Variants in WDFY4 observed in about 807,000 individuals in gnomAD.
The protein encoded by WDFY4 is WD repeat- and FYVE domain-containing protein 4.
WDFY4 carries 169 observed loss-of-function variants against 351.9 expected under a neutral mutation model. The ratio of observed to expected loss-of-function variants is 0.48; its 90% CI spans 0.42 to 0.55. The LOEUF is 0.55. WDFY4 is among the 20% of genes least tolerant of loss of function. The probability of loss-of-function intolerance (pLI) is 0.00; values close to 1 mark genes in which losing one functional copy is unlikely to be tolerated. For synonymous variants in WDFY4, 1,622 were observed against 1,574.6 expected (o/e 1.03, Z -0.71); for missense variants, 3,803 against 3,935.6 (o/e 0.97, Z 0.90).
At chr10:48,761,153 G>T (rs544717753) in intron 13 of WDFY4, among the ~76,000 whole-genome samples, 1 of 152,222 alleles carries the variant, frequency 6.6e-6, no homozygotes, top group African/African-American at 2.4e-5. Flanking sequence ...AGTGTGAACT[G>T]GGTGGGAAGG....
At chr10:48,774,797 T>G in intron 14 of WDFY4, 125 bp downstream of exon 14, 1 of 1,255,706 alleles carries the variant, frequency 8.0e-7, no homozygotes, top group Non-Finnish European at 1.1e-6. Flanking sequence ...TGTCCTGGCA[T>G]TCAAGGCTGG....
intron 32 of WDFY4, among the ~76,000 whole-genome samples, chr10:48,819,424 A>T (rs960612150): frequency 6.6e-6 from 1 of 152,232 alleles, no homozygotes; most frequent in African/African-American, 2.4e-5. Context: ...CCTAGGTGCC[A>T]TTAAATTCAT....
chr10:48,689,786 A>C (rs1156270999), intron 1 of WDFY4, among the ~76,000 whole-genome samples: 1 of 152,230 alleles, frequency 6.6e-6, no homozygotes, highest in Non-Finnish European at 1.5e-5. Flanking sequence ...GAAAATATAC[A>C]AGCTAATAAT....
In WDFY4 at chr10:48,955,451, C is replaced by G. The variant is rs538737028; in HGVS notation, c.7978-1678C>G. Among the ~76,000 whole-genome samples, 15 of 152,340 alleles carry G rather than the reference C, an allele frequency of 9.8e-5. No individual in the cohort carries two copies. In the South Asian group the frequency reaches 2.1e-3, roughly 21 times the overall value. On this transcript the variant is annotated intron_variant, in intron 51 of 61. Transcript: ENST00000325239. Reference sequence around the variant, plus strand: ...CCTTGGGTGTGTGGTAGGTTCCCCCCTCTCAGAAAGAGCTGAGTTCCCCCT... The same window carrying G: ...CCTTGGGTGTGTGGTAGGTTCCCCCGTCTCAGAAAGAGCTGAGTTCCCCCT...
Position 48,721,285 on chromosome 10 carries a change from A to T in WDFY4, c.374A>T (p.Gln125Leu), listed in dbSNP as rs917358370. The change falls in exon 4 of 62, where the codon CAG becomes CTG. Residue 125 changes from glutamine to leucine, a missense_variant. Gln to Leu is a moderately radical substitution (Grantham distance 113). This residue lies in a region of WDFY4 where 488 missense variants were observed against 456.8 expected (regional missense o/e 1.07). Coordinates refer to ENST00000325239, the MANE Select transcript of WDFY4 (RefSeq NM_001394531.1). Reference protein sequence around the residue: ...PAEQARLAAGQLLWWKGDVDQ... With the variant: ...PAEQARLAAGLLLWWKGDVDQ... ...GAGCAAGCTCGGTTGGCAGCTGGAC[A>T]GTTGCTGTGGTGGAAGGGGGACGTG... 3 of 1,551,610 alleles carry T rather than the reference A, an allele frequency of 1.9e-6. No homozygotes were observed. Among genetic ancestry groups the T allele is most frequent in the Non-Finnish European group, 2.6e-6 (3 of 1,146,960 alleles).
At chr10:48,968,925 G>T in intron 55 of WDFY4, 139 bp from the exon 56 acceptor site, 2 of 837,428 alleles carry the variant, frequency 2.4e-6, no homozygotes, top group Non-Finnish European at 3.7e-6. Flanking sequence ...CTCCTGCCCA[G>T]GGCCCAGCTG....
chr10:48,821,804 G>C (rs1300621523), intron 34 of WDFY4, among the ~76,000 whole-genome samples: 5 of 152,212 alleles, frequency 3.3e-5, no homozygotes, highest in Admixed American at 1.3e-4. Context: ...GAATGCAGGA[G>C]AGTAGCAGGG....
chr10:48,934,732 G>A (rs1407607613), intron 47 of WDFY4, among the ~76,000 whole-genome samples: 1 of 152,238 alleles, frequency 6.6e-6, no homozygotes, highest in Non-Finnish European at 1.5e-5. Context: ...CCTGAACGAA[G>A]AAGCAGTCAC....
At chr10:48,818,373 T>C (rs1166111621) in intron 32 of WDFY4, among the ~76,000 whole-genome samples, 1 of 152,240 alleles carries the variant, frequency 6.6e-6, no homozygotes. Context: ...TCTTAGCTAA[T>C]CTTTTCCAGA....
At chr10:48,873,405 G>C (rs2069860788) in intron 40 of WDFY4, 86 bp from the exon 41 acceptor site, 1 of 1,400,930 alleles carries the variant, frequency 7.1e-7, no homozygotes, top group Non-Finnish European at 9.5e-7. Flanking sequence ...GGGAGACTTG[G>C]CTTATTCACC....
At chr10:48,833,713 G>A (rs1187675316) in intron 39 of WDFY4, among the ~76,000 whole-genome samples, 1 of 152,218 alleles carries the variant, frequency 6.6e-6, no homozygotes, top group East Asian at 1.9e-4. Context: ...CTTCTTCAGA[G>A]GTGGACTGTG....
At chr10:48,851,231 G>T (rs988540838) in intron 39 of WDFY4, among the ~76,000 whole-genome samples, 1 of 152,178 alleles carries the variant, frequency 6.6e-6, no homozygotes, top group Non-Finnish European at 1.5e-5. Flanking sequence ...CTGCAAGACT[G>T]GGGGCAGCCG....
chr10:48,778,432 G>A (rs1231730826), intron 17 of WDFY4, among the ~76,000 whole-genome samples, 179 bp from the exon 18 acceptor site: 1 of 152,266 alleles, frequency 6.6e-6, no homozygotes, highest in African/African-American at 2.4e-5. Flanking sequence ...CAGGGAGATC[G>A]AGATCTTCTC....
intron 31 of WDFY4, among the ~76,000 whole-genome samples, chr10:48,815,961 C>G: frequency 6.6e-6 from 1 of 151,898 alleles, no homozygotes; most frequent in Middle Eastern, 3.2e-3. Flanking sequence ...AAAGACTTCT[C>G]TCCTTTCTTT....
chr10:48,876,891 G>A lies in WDFY4; in HGVS notation c.7001-142G>A, dbSNP rs147766980. On this transcript the variant is annotated intron_variant, in intron 42 of 61. Transcript: ENST00000325239. ...GGTGTCCATTTCCAGAAGCAGTGGA[G>A]GGGCACAGTGAGAGATCCACGCTCT... 1.2e-3 allele frequency: 905 copies of A among 782,850 alleles called. 16 individuals carry two copies. In the East Asian group the frequency reaches 0.027, roughly 23 times the overall value. 48.5% of individuals were successfully genotyped at this position (782,850 alleles called of 1,614,324 possible).
chr10:48,707,937 C>G (rs1012072154), intron 1 of WDFY4, among the ~76,000 whole-genome samples: 1 of 152,004 alleles, frequency 6.6e-6, no homozygotes, highest in African/African-American at 2.4e-5. Flanking sequence ...AGTTAGCCCC[C>G]CAAAAGAAAC....
At chr10:48,920,489 A>G (rs1257017361) in intron 47 of WDFY4, among the ~76,000 whole-genome samples, 1 of 152,218 alleles carries the variant, frequency 6.6e-6, no homozygotes. Flanking sequence ...CACGTTGTGC[A>G]CATATACCCT....
At chr10:48,953,333 T>TCTCTCTCTCTCTCTCTCACACACA (rs771339557) in intron 51 of WDFY4, among the ~76,000 whole-genome samples, 2 of 128,130 alleles carry the variant, frequency 1.6e-5, no homozygotes, top group African/African-American at 5.9e-5. Context: ...TCTCTCTCTC[T>TCTCTCTCTCTCTCTCTCACACACA]CACACACACA....
chr10:48,750,696 A>T (rs2065156911), intron 12 of WDFY4, among the ~76,000 whole-genome samples: 1 of 152,254 alleles, frequency 6.6e-6, no homozygotes, highest in South Asian at 2.1e-4. Flanking sequence ...AGCATATCTG[A>T]AACCAGGATA....
Sources: gnomAD v4.1 joint callset for allele counts (sites outside exome capture counted in the v4.1 genomes callset) on GRCh38, gnomAD v4.1.1 for gene constraint, gnomAD v4.1.1 regional missense constraint, MANE v1.5 for transcripts, NCBI Gene and HGNC (gene_info 2026-07-23, HGNC 2026-07-21) for gene names.